ABLIM1: variants seen among roughly 807,000 people sequenced by gnomAD.
ABLIM1 encodes the protein actin binding LIM protein 1, also known as actin-binding LIM protein 1.
ABLIM1 carries 40 observed loss-of-function variants against 107.0 expected under a neutral mutation model. That is an observed-to-expected ratio of 0.37 (90% CI 0.29 to 0.49). ABLIM1 has a LOEUF of 0.49. Ranked by LOEUF, ABLIM1 falls within the 20% of genes least tolerant of loss-of-function variation. The probability of loss-of-function intolerance (pLI) is 0.97; values close to 1 mark genes in which losing one functional copy is unlikely to be tolerated. For synonymous variants in ABLIM1, 357 were observed against 357.3 expected (o/e 1.00, Z 0.01); for missense variants, 857 against 1,008.5 (o/e 0.85, Z 2.04).
Position 114,453,410 on chromosome 10 carries a change from G to A in ABLIM1, c.1515C>T (p.Tyr505=), listed in dbSNP as rs139015986. ...CATGGAAATGTTTAGGGGCCTGAGC[G>A]TAAGTTGGAGTTAGAGGGCGGCTGT... ...RPDSRPLTPT[Y]AQAPKHFHVP... The change falls in exon 13 of 23, where the codon TAC becomes TAT. Residue 505 remains tyrosine (Y), a synonymous_variant. Coordinates refer to ENST00000533213, the MANE Select transcript of ABLIM1 (RefSeq NM_002313.7). 58 of 1,614,066 alleles carry A rather than the reference G, an allele frequency of 3.6e-5. No individual in the cohort carries two copies. The African/African-American group carries it at 4.8e-4, about 13-fold the overall frequency.
At chr10:114,752,615 A>G (rs1281939211) in intron 1 of ABLIM1, among the ~76,000 whole-genome samples, 2 of 152,178 alleles carry the variant, frequency 1.3e-5, no homozygotes, top group East Asian at 3.9e-4. Context: ...AACAGGCCCC[A>G]GTGTGTGTTG....
Position 114,570,994 on chromosome 10 carries a change from C to G in ABLIM1, c.673+303G>C, listed in dbSNP as rs189841762. Among the ~76,000 whole-genome samples, 7 of 152,246 alleles carry G rather than the reference C, an allele frequency of 4.6e-5. No homozygotes were observed. In the East Asian group the frequency reaches 1.4e-3, roughly 29 times the overall value. Reference sequence around the variant, plus strand: ...TTCCTACCAACAGTGTTCAAGGGCTCCCTTTTCTCCACACCTAGGCTGATG... The same window carrying G: ...TTCCTACCAACAGTGTTCAAGGGCTGCCTTTTCTCCACACCTAGGCTGATG... On this transcript the variant is annotated intron_variant, in intron 4 of 22. Coordinates refer to ENST00000533213, the MANE Select transcript of ABLIM1 (RefSeq NM_002313.7).
chr10:114,686,794 A>C (rs76319090), upstream of ABLIM1, among the ~76,000 whole-genome samples: 18 of 143,550 alleles, frequency 1.3e-4, no homozygotes, highest in African/African-American at 4.6e-4. Context: ...ATGCCCGGCT[A>C]TTTTTTTTTT....
chr10:114,548,936 G>T (rs536298831), intron 4 of ABLIM1, among the ~76,000 whole-genome samples: 19 of 152,160 alleles, frequency 1.2e-4, no homozygotes, highest in African/African-American at 1.2e-4. Flanking sequence ...GACCACATCC[G>T]TGACTGCCAC....
At chr10:114,474,087 T>C (rs2067101196) in intron 8 of ABLIM1, 131 bp from the exon 9 acceptor site, 2 of 648,484 alleles carry the variant, frequency 3.1e-6, no homozygotes, top group East Asian at 2.7e-5. Context: ...TTGAATAAGG[T>C]AAAATACAAC....
chr10:114,679,118 A>C (rs930983625), intron 1 of ABLIM1, among the ~76,000 whole-genome samples: 15 of 152,228 alleles, frequency 9.9e-5, no homozygotes, highest in Non-Finnish European at 7.3e-5. Context: ...ATATTTCTAC[A>C]TGCTGTCTTG....
chr10:114,601,885 C>T lies in ABLIM1; in HGVS notation c.321G>A (p.Lys107=). Residue 107 remains lysine (K), a synonymous_variant, in exon 2 of 23, where the codon AAG becomes AAA. Transcript: ENST00000533213. ...TGGTCTGGACCCGAAGCACTTCACC[C>T]TTGCAAGGCTCCCCACATTTATGGC... ...IHCHKCGEPC[K]GEVLRVQTKH... The T allele has an allele frequency of 6.2e-7, 1 of 1,614,206 alleles. No homozygotes were observed. Among genetic ancestry groups the T allele is most frequent in the Non-Finnish European group, 8.5e-7 (1 of 1,180,018 alleles).
At chr10:114,540,358 A>G (rs1402874959) in intron 6 of ABLIM1, among the ~76,000 whole-genome samples, 1 of 152,218 alleles carries the variant, frequency 6.6e-6, no homozygotes, top group Non-Finnish European at 1.5e-5. Flanking sequence ...TGAGGCTCAA[A>G]GAAGTGGCAA....
chr10:114,497,681 CAA>C (rs576676119), intron 6 of ABLIM1, among the ~76,000 whole-genome samples: 7,638 of 75,382 alleles, frequency 0.1, 196 homozygotes, highest in African/African-American at 0.14. Context: ...GATTCTGTCT[CAA>C]AAAAAAAAAA....
chr10:114,464,934 T>C (rs535458928), intron 12 of ABLIM1, among the ~76,000 whole-genome samples: 5 of 152,338 alleles, frequency 3.3e-5, no homozygotes, highest in African/African-American at 1.2e-4. Context: ...GAATCTTGGA[T>C]CTGTACTGGG....
chr10:114,469,545 A>G (rs978280933), intron 10 of ABLIM1, among the ~76,000 whole-genome samples: 12 of 152,210 alleles, frequency 7.9e-5, no homozygotes, highest in African/African-American at 2.7e-4. Context: ...ACTGTCACAC[A>G]GCATCTCCGT....
intron 1 of ABLIM1, among the ~76,000 whole-genome samples, chr10:114,620,470 C>T (rs2077397725): frequency 6.6e-6 from 1 of 152,186 alleles, no homozygotes; most frequent in East Asian, 1.9e-4. Flanking sequence ...AGTGCAGTGG[C>T]GTGATCTTGG....
chr10:114,448,161 C>G (rs2061325568), intron 14 of ABLIM1, 141 bp from the exon 15 acceptor site: 4 of 1,059,472 alleles, frequency 3.8e-6, no homozygotes, highest in Non-Finnish European at 5.4e-6. Flanking sequence ...TATCCATGGC[C>G]CAGTCACTCA....
intron 1 of ABLIM1, among the ~76,000 whole-genome samples, chr10:114,604,342 T>C (rs1235110155): frequency 2.6e-5 from 4 of 152,208 alleles, no homozygotes; most frequent in African/African-American, 9.7e-5. Context: ...TTTATAAGTA[T>C]TATCATTATG....
intron 2 of ABLIM1, among the ~76,000 whole-genome samples, chr10:114,579,177 A>G (rs937303293): frequency 1.4e-5 from 2 of 144,986 alleles, no homozygotes; most frequent in Non-Finnish European, 3.1e-5. Context: ...GCTGTAGTAA[A>G]ACAATTTTTT....
intron 1 of ABLIM1, among the ~76,000 whole-genome samples, chr10:114,641,145 G>T (rs2078727926): frequency 6.6e-6 from 1 of 151,296 alleles, no homozygotes; most frequent in Non-Finnish European, 1.5e-5. Context: ...TATCGAAGCT[G>T]GGGGATTTAA....
intron 4 of ABLIM1, among the ~76,000 whole-genome samples, chr10:114,552,095 C>T (rs903855387): frequency 6.6e-6 from 1 of 152,208 alleles, no homozygotes; most frequent in Non-Finnish European, 1.5e-5. Context: ...ACGTGAGAAT[C>T]CTGACCCGAA....
chr10:114,505,375 G>A (rs922054490), intron 6 of ABLIM1, among the ~76,000 whole-genome samples: 9 of 152,170 alleles, frequency 5.9e-5, no homozygotes, highest in Non-Finnish European at 1.2e-4. Flanking sequence ...TCTTACTCAT[G>A]ACCTCATTCC....
At chr10:114,488,938 T>G (rs767428013) in intron 7 of ABLIM1, among the ~76,000 whole-genome samples, 5 of 152,232 alleles carry the variant, frequency 3.3e-5, no homozygotes, top group Admixed American at 1.3e-4. Context: ...AAAGTTACTA[T>G]GTTGAAAGCA....
Sources: gnomAD v4.1 joint callset for allele counts (sites outside exome capture counted in the v4.1 genomes callset) on GRCh38, gnomAD v4.1.1 for gene constraint, MANE v1.5 for transcripts, NCBI Gene and HGNC (gene_info 2026-07-23, HGNC 2026-07-21) for gene names.